Variants in SYNE2 observed in about 807,000 individuals in gnomAD.
SYNE2 encodes the protein spectrin repeat containing nuclear envelope protein 2, also known as nesprin-2.
A neutral mutation model predicts 856.3 loss-of-function variants in SYNE2; 431 were observed. The ratio of observed to expected loss-of-function variants is 0.50; its 90% CI spans 0.47 to 0.55. The LOEUF (loss-of-function observed/expected upper bound fraction) is 0.55. SYNE2 is among the 20% of genes least tolerant of loss of function. SYNE2 has a pLI of 0.00. For missense variants in SYNE2, 8,129 were observed against 8,023.2 expected, an observed-to-expected ratio of 1.01 and a Z score of -0.50; for synonymous variants, 2,923 against 2,872.3, an observed-to-expected ratio of 1.02 and a Z score of -0.56.
chr14:64,173,471 C>T (rs2098420208), intron 94 of SYNE2, among the ~76,000 whole-genome samples: 1 of 152,166 alleles, frequency 6.6e-6, no homozygotes, highest in Non-Finnish European at 1.5e-5. Flanking sequence ...GGGTGATCTT[C>T]AGGCTTCTCA....
In SYNE2 at chr14:64,177,501, A is replaced by AGT. The variant is rs1197338624; in HGVS notation, c.17556+20_17556+21dup. 3 of 1,614,054 alleles carry AGT rather than the reference A, an allele frequency of 1.9e-6. No individual in the cohort carries two copies. Among genetic ancestry groups the AGT allele is most frequent in the Non-Finnish European group, 1.7e-6 (2 of 1,180,022 alleles). The stretch of plus-strand genomic sequence containing the variant: ...TGATTAAGGTATTGAAATCCAAACA[A>AGT]GTGGCCAAGATAATCACTTAGCTGT... On this transcript the variant is annotated intron_variant, in intron 96 of 115. Coordinates refer to ENST00000555002, the MANE Select transcript of SYNE2 (RefSeq NM_182914.3).
Position 64,070,760 on chromosome 14 carries a change from A to G in SYNE2, c.10547A>G (p.Gln3516Arg). 6.2e-7 allele frequency: 1 copy of G among 1,614,212 alleles called. No individual in the cohort carries two copies. Among genetic ancestry groups the G allele is most frequent in the Non-Finnish European group, 8.5e-7 (1 of 1,180,030 alleles). The change falls in exon 52 of 116, where the codon CAA (glutamine) becomes CGA (arginine). Residue 3516 changes from glutamine (Q) to arginine (R), a missense_variant. Gln to Arg is a conservative substitution (Grantham distance 43). Coordinates refer to ENST00000555002, the MANE Select transcript of SYNE2 (RefSeq NM_182914.3). ...TCTGAGCTGCTAGACTGTTTATGCC[A>G]ATATGGAGAGAACGTGGAGAAGCAA... is the stretch of plus-strand genomic sequence containing the variant. ...ELSELLDCLC[Q>R]YGENVEKQQL...
In SYNE2 at chr14:64,025,133, A is replaced by G. The variant is rs375990312; in HGVS notation, c.5964A>G (p.Glu1988=). ...AAGTGGTATTTGGAATTTACAGGGAACAGTTTGAATCTGTGGCCCAATTGA... is the reference window on the plus strand; with the variant it reads ...AAGTGGTATTTGGAATTTACAGGGAGCAGTTTGAATCTGTGGCCCAATTGA... The part of the protein sequence containing the change: ...LFCQALARKR[E]QFESVAQLNN... Residue 1988 remains glutamate, a synonymous_variant, in exon 41 of 116, where the codon GAA becomes GAG. Transcript: ENST00000555002. The G allele has an allele frequency of 1.9e-6, 3 of 1,613,968 alleles. No homozygotes were observed. The highest frequency in any genetic ancestry group is 2.5e-6 in the Non-Finnish European group (3 of 1,179,996).
chr14:63,923,253 G>A (rs886995665), intron 2 of SYNE2, among the ~76,000 whole-genome samples: 3 of 152,200 alleles, frequency 2.0e-5, no homozygotes, highest in Non-Finnish European at 4.4e-5. Flanking sequence ...ACTTGCTTAC[G>A]CAGAGAGCCG....
chr14:63,803,565 GC>G (rs1888244160), intron 1 of SYNE2, among the ~76,000 whole-genome samples: 1 of 152,208 alleles, frequency 6.6e-6, no homozygotes, highest in Non-Finnish European at 1.5e-5. Flanking sequence ...CGAGTGCGGG[GC>G]CCGCCAAGCC....
At chr14:64,216,957 C>T (rs1203178616) in intron 108 of SYNE2, among the ~76,000 whole-genome samples, 1 of 150,888 alleles carries the variant, frequency 6.6e-6, no homozygotes, top group Non-Finnish European at 1.5e-5. Flanking sequence ...AACTCCTGAC[C>T]TCAAGTGATC....
chr14:63,940,478 T>A, intron 2 of SYNE2, 136 bp from the exon 3 acceptor site: 1 of 788,514 alleles, frequency 1.3e-6, no homozygotes, highest in South Asian at 1.5e-5. Flanking sequence ...ATCTACAGTT[T>A]AGACTAAATC....
intron 45 of SYNE2, among the ~76,000 whole-genome samples, chr14:64,041,231 A>G (rs1203669325): frequency 6.6e-6 from 1 of 152,224 alleles, no homozygotes; most frequent in Non-Finnish European, 1.5e-5. Flanking sequence ...AAATCTTTAC[A>G]AGAGAATATA....
At chr14:64,117,399 A>G (rs751367744) in intron 66 of SYNE2, among the ~76,000 whole-genome samples, 1 of 152,164 alleles carries the variant, frequency 6.6e-6, no homozygotes, top group Non-Finnish European at 1.5e-5. Context: ...TGACGGGCTC[A>G]GGCAATCCTC....
intron 22 of SYNE2, 91 bp downstream of exon 22, chr14:63,994,060 C>G: frequency 7.3e-7 from 1 of 1,360,786 alleles, no homozygotes; most frequent in Non-Finnish European, 1.0e-6. Flanking sequence ...GTTTTCCTGT[C>G]TACGTTGTAT....
intron 10 of SYNE2, among the ~76,000 whole-genome samples, chr14:63,964,663 T>G (rs1005548503): frequency 6.6e-6 from 1 of 152,096 alleles, no homozygotes; most frequent in Non-Finnish European, 1.5e-5. Context: ...TAGCTGAGAT[T>G]ACAGGCATGT....
At chr14:63,817,786 G>A (rs371088089) in intron 1 of SYNE2, among the ~76,000 whole-genome samples, 7 of 152,258 alleles carry the variant, frequency 4.6e-5, no homozygotes, top group African/African-American at 1.7e-4. Flanking sequence ...CACTTTGGGA[G>A]GCCAAGGCAG....
At chr14:64,095,157 C>A (rs1339626292) in intron 61 of SYNE2, 1 of 170,336 alleles carries the variant, frequency 5.9e-6, no homozygotes, top group Non-Finnish European at 1.5e-5. Flanking sequence ...TGCATTTGAT[C>A]TGCTGAAGCA....
At position 64,026,570 on chromosome 14, in the gene SYNE2, T is replaced by C; in HGVS notation, c.6253-9T>C. ...AATGACATTATAAAATCTCTTTTAT[T>C]TAATTCAGGAAATCATTTTGCTGAA... On this transcript the variant is annotated splice_polypyrimidine_tract_variant and intron_variant, in intron 41 of 115. Coordinates refer to ENST00000555002, the MANE Select transcript of SYNE2 (RefSeq NM_182914.3). The C allele has an allele frequency of 4.4e-6, 7 of 1,608,650 alleles. No individual in the cohort carries two copies. The highest frequency in any genetic ancestry group is 6.0e-6 in the Non-Finnish European group (7 of 1,176,028).
intron 51 of SYNE2, among the ~76,000 whole-genome samples, chr14:64,066,921 G>A (rs981452968): frequency 2.0e-5 from 3 of 152,196 alleles, no homozygotes; most frequent in Non-Finnish European, 2.9e-5. Context: ...GGCTGGGGCT[G>A]GGGCTGTCCT....
At chr14:64,156,380 T>A (rs746403024) in intron 85 of SYNE2, among the ~76,000 whole-genome samples, 13 of 152,204 alleles carry the variant, frequency 8.5e-5, no homozygotes, top group Non-Finnish European at 1.8e-4. Flanking sequence ...CCCAGATAGA[T>A]GTGAGATCAT....
chr14:63,819,693 T>C (rs986567583), intron 1 of SYNE2, among the ~76,000 whole-genome samples: 6 of 151,992 alleles, frequency 3.9e-5, no homozygotes, highest in African/African-American at 1.2e-4. Flanking sequence ...CCCGCCACCA[T>C]GCCTGGCTAA....
At chr14:63,835,769 A>G (rs1889837281) in intron 1 of SYNE2, among the ~76,000 whole-genome samples, 1 of 152,092 alleles carries the variant, frequency 6.6e-6, no homozygotes, top group Admixed American at 6.6e-5. Context: ...AGATCACCTG[A>G]GGTCACAAGT....
intron 1 of SYNE2, among the ~76,000 whole-genome samples, chr14:63,859,556 C>T (rs1892925956): frequency 6.6e-6 from 1 of 152,160 alleles, no homozygotes; most frequent in Non-Finnish European, 1.5e-5. Context: ...TGGTGGCTCA[C>T]ACCTGTAATC....
Sources: gnomAD v4.1 joint callset for allele counts (sites outside exome capture counted in the v4.1 genomes callset) on GRCh38, gnomAD v4.1.1 for gene constraint, MANE v1.5 for transcripts, NCBI Gene and HGNC (gene_info 2026-07-23, HGNC 2026-07-21) for gene names.